The following DNAH14 variants were observed in gnomAD, a reference collection of about 807,000 sequenced individuals.
The protein encoded by DNAH14 is axonemal beta dynein heavy chain 14.
Under a neutral mutation model 520.9 loss-of-function variants are expected in DNAH14, and 478 were observed. The observed-to-expected ratio is 0.92, with a 90% CI of 0.85 to 0.99. The LOEUF is 0.99. Ranked by LOEUF, DNAH14 falls within the 50% of genes least tolerant of loss-of-function variation. DNAH14 has a pLI of 0.00. For synonymous variants in DNAH14, 1,581 were observed against 1,757.2 expected (o/e 0.90, Z 2.51); for missense variants, 4,831 against 5,234.5 (o/e 0.92, Z 2.38).
chr1:225,090,761 A>C (rs2074307397), intron 21 of DNAH14, among the ~76,000 whole-genome samples: 1 of 152,142 alleles, frequency 6.6e-6, no homozygotes, highest in African/African-American at 2.4e-5. Context: ...GCAAAACCTA[A>C]AACTATAAAA....
At chr1:224,964,650 A>C in intron 5 of DNAH14, 41 bp downstream of exon 5, 1 of 1,397,102 alleles carries the variant, frequency 7.2e-7, no homozygotes, top group Non-Finnish European at 9.5e-7. Flanking sequence ...TTAAAAATCA[A>C]TATTGAAATT....
intron 23 of DNAH14, among the ~76,000 whole-genome samples, chr1:225,101,689 C>G (rs149621564): frequency 2.0e-5 from 3 of 152,250 alleles, no homozygotes; most frequent in Non-Finnish European, 4.4e-5. Context: ...ATGACAAGAT[C>G]TCATTCTCTT....
intron 66 of DNAH14, 122 bp downstream of exon 66, chr1:225,333,628 G>C: frequency 3.2e-6 from 3 of 933,114 alleles, no homozygotes; most frequent in Non-Finnish European, 4.7e-6. Flanking sequence ...AAAATATTTT[G>C]TTAATAGTTT....
At chr1:225,387,455 G>A (rs974430082) in intron 81 of DNAH14, among the ~76,000 whole-genome samples, 2 of 152,136 alleles carry the variant, frequency 1.3e-5, no homozygotes, top group South Asian at 2.1e-4. Flanking sequence ...CGAGCGCTTG[G>A]TGTCATCAGC....
intron 25 of DNAH14, chr1:225,118,302 C>A: frequency 2.5e-6 from 1 of 403,152 alleles, no homozygotes; most frequent in Non-Finnish European, 4.6e-6. Flanking sequence ...TGCTTTTTCC[C>A]TTTTTGGTTT....
intron 8 of DNAH14, among the ~76,000 whole-genome samples, chr1:224,994,548 A>G (rs188435527): frequency 1.3e-5 from 2 of 151,848 alleles, no homozygotes; most frequent in Admixed American, 6.6e-5. Flanking sequence ...TTCACTTTCA[A>G]TCTATGTGTG....
intron 71 of DNAH14, among the ~76,000 whole-genome samples, chr1:225,347,904 G>A (rs551400021): frequency 6.6e-6 from 1 of 152,116 alleles, no homozygotes; most frequent in South Asian, 2.1e-4. Flanking sequence ...GCCTGACAAG[G>A]AATTTTAAAT....
chr1:225,277,811 G>T (rs903787717), intron 54 of DNAH14, among the ~76,000 whole-genome samples: 1 of 152,188 alleles, frequency 6.6e-6, no homozygotes, highest in Non-Finnish European at 1.5e-5. Context: ...CTTGATTATT[G>T]ATTTAGAAAT....
chr1:225,305,013 C>T lies in DNAH14; in HGVS notation c.8929C>T (p.Pro2977Ser). Reference protein sequence around the residue: ...EETGRFYYTTPNSYLQFMETF... With the variant: ...EETGRFYYTTSNSYLQFMETF... ...AACTGGAAGATTTTATTATACCACT[C>T]CCAATAGCTACTTGCAATTTATGGA... is the stretch of plus-strand genomic sequence containing the variant. Residue 2977 changes from proline (P) to serine (S), a missense_variant, in exon 58 of 86, where the codon CCC becomes TCC. Transcript: ENST00000682510. 2 of 1,546,410 alleles carry T rather than the reference C, an allele frequency of 1.3e-6. No individual in the cohort carries two copies. Among genetic ancestry groups the T allele is most frequent in the Non-Finnish European group, 1.7e-6 (2 of 1,145,918 alleles).
chr1:225,033,492 A>G (rs145473037), intron 11 of DNAH14, among the ~76,000 whole-genome samples: 157 of 152,138 alleles, frequency 1.0e-3, no homozygotes, highest in African/African-American at 3.5e-3. Flanking sequence ...CTTGTAGTGT[A>G]GTTTGAAGTT....
At chr1:224,966,496 G>C (rs956685018) in intron 5 of DNAH14, among the ~76,000 whole-genome samples, 6 of 151,990 alleles carry the variant, frequency 3.9e-5, no homozygotes, top group African/African-American at 1.4e-4. Flanking sequence ...AAAGCTAAAA[G>C]AAATAAATTT....
intron 23 of DNAH14, among the ~76,000 whole-genome samples, chr1:225,101,549 TA>T (rs2075458469): frequency 6.6e-6 from 1 of 152,160 alleles, no homozygotes; most frequent in Non-Finnish European, 1.5e-5. Context: ...TTCTACTGTC[TA>T]TCTCCATGAT....
At chr1:224,940,742 A>T (rs192070502) in intron 1 of DNAH14, among the ~76,000 whole-genome samples, 2,038 of 148,858 alleles carry the variant, frequency 0.014, 19 homozygotes, top group Non-Finnish European at 0.022. Flanking sequence ...TCATTGTTCA[A>T]TTCTCACCTA....
chr1:225,162,012 G>A (rs2081563663), intron 35 of DNAH14, among the ~76,000 whole-genome samples: 1 of 152,062 alleles, frequency 6.6e-6, no homozygotes, highest in Non-Finnish European at 1.5e-5. Flanking sequence ...TTAACTTCAT[G>A]CGATTCCATT....
At chr1:225,324,396 C>T in intron 63 of DNAH14, 43 bp downstream of exon 63, 1 of 1,536,608 alleles carries the variant, frequency 6.5e-7, no homozygotes, top group Non-Finnish European at 8.8e-7. Context: ...TTGGAAGTGG[C>T]ACATCAATGT....
At chr1:225,301,103 T>C (rs2094130466) in intron 56 of DNAH14, 73 bp downstream of exon 56, 1 of 1,417,640 alleles carries the variant, frequency 7.1e-7, no homozygotes, top group Admixed American at 2.7e-5. Context: ...CTGTACATGA[T>C]TTTCAAGTTG....
intron 15 of DNAH14, 91 bp from the exon 16 acceptor site, chr1:225,050,119 A>G: frequency 8.9e-7 from 1 of 1,124,204 alleles, no homozygotes; most frequent in Non-Finnish European, 1.2e-6. Context: ...ATCAGCCCCC[A>G]TTTTCAATAG....
intron 17 of DNAH14, among the ~76,000 whole-genome samples, chr1:225,072,747 T>C (rs1174200637): frequency 6.6e-6 from 1 of 152,252 alleles, no homozygotes; most frequent in Non-Finnish European, 1.5e-5. Context: ...CTGGCCACTT[T>C]TCTGTAGGTC....
intron 10 of DNAH14, among the ~76,000 whole-genome samples, chr1:225,020,236 C>CTTGT (rs919757504): frequency 3.3e-5 from 5 of 152,056 alleles, no homozygotes; most frequent in Admixed American, 1.3e-4. Flanking sequence ...GTGGCTCATG[C>CTTGT]TTGTAATCCC....
Sources: allele counts gnomAD v4.1 joint callset (sites outside exome capture counted in the v4.1 genomes callset), GRCh38; gene constraint gnomAD v4.1.1; transcripts MANE v1.5; gene names NCBI Gene and HGNC (gene_info 2026-07-23, HGNC 2026-07-21).